The following PCDH15 variants were observed in gnomAD, a reference collection of about 807,000 sequenced individuals.
The protein encoded by PCDH15 is protocadherin-15.
PCDH15 carries 129 observed loss-of-function variants against 178.5 expected under a neutral mutation model. That is an observed-to-expected ratio of 0.72 (90% CI 0.63 to 0.84). PCDH15 has a LOEUF of 0.84. PCDH15 is among the 40% of genes least tolerant of loss of function. The pLI is 0.00. For missense variants in PCDH15, 2,230 were observed against 2,099.9 expected (o/e 1.06, Z -1.21); for synonymous variants, 800 against 732.0 (o/e 1.09, Z -1.50).
At chr10:54,051,424 T>C (rs1294407147) in intron 18 of PCDH15, among the ~76,000 whole-genome samples, 7 of 152,146 alleles carry the variant, frequency 4.6e-5, no homozygotes, top group Non-Finnish European at 1.0e-4. Flanking sequence ...TACAATGAAG[T>C]CCAGCTGATG....
intron 2 of PCDH15, among the ~76,000 whole-genome samples, chr10:55,591,375 C>A (rs1240667215): frequency 6.6e-6 from 1 of 152,000 alleles, no homozygotes; most frequent in Non-Finnish European, 1.5e-5. Context: ...ATGGAGGCTT[C>A]AGTGAGTGGA....
intron 15 of PCDH15, among the ~76,000 whole-genome samples, chr10:54,129,696 C>T (rs2042267754): frequency 6.6e-6 from 1 of 152,128 alleles, no homozygotes; most frequent in Admixed American, 6.5e-5. Flanking sequence ...AAACAGGGGA[C>T]TGGTTCCAGA....
At chr10:54,332,347 TA>T (rs1939951949) in intron 6 of PCDH15, among the ~76,000 whole-genome samples, 1 of 94,254 alleles carries the variant, frequency 1.1e-5, no homozygotes, top group African/African-American at 4.1e-5. Flanking sequence ...TTATTATATA[TA>T]ATATAATATA....
chr10:54,992,107 T>A (rs979571849), intron 2 of PCDH15, among the ~76,000 whole-genome samples: 11 of 152,240 alleles, frequency 7.2e-5, no homozygotes, highest in South Asian at 2.1e-4. Flanking sequence ...AAGAATTTTT[T>A]AAAAATCACT....
At chr10:54,695,445 G>C (rs937432495) in intron 1 of PCDH15, among the ~76,000 whole-genome samples, 4 of 152,160 alleles carry the variant, frequency 2.6e-5, no homozygotes, top group African/African-American at 9.6e-5. Flanking sequence ...TAACATAAAA[G>C]TGTAAGATGA....
chr10:54,712,778 T>C (rs1475436496), intron 1 of PCDH15, among the ~76,000 whole-genome samples: 1 of 152,028 alleles, frequency 6.6e-6, no homozygotes, highest in Non-Finnish European at 1.5e-5. Context: ...CAGTTTAAAC[T>C]GAAACACTAG....
chr10:54,825,377 G>A (rs1481570372), intron 3 of PCDH15, among the ~76,000 whole-genome samples: 7 of 146,674 alleles, frequency 4.8e-5, no homozygotes, highest in African/African-American at 1.8e-4. Context: ...ATAGTCCTTT[G>A]GGTATATACC....
At chr10:55,159,631 A>C (rs1407031834) in intron 2 of PCDH15, among the ~76,000 whole-genome samples, 1 of 147,964 alleles carries the variant, frequency 6.8e-6, no homozygotes, top group Non-Finnish European at 1.5e-5. Context: ...ATATATCTTA[A>C]AGAGATATAT....
chr10:54,362,757 G>C (rs558257984), intron 5 of PCDH15, among the ~76,000 whole-genome samples: 1 of 151,746 alleles, frequency 6.6e-6, no homozygotes, highest in Admixed American at 6.6e-5. Context: ...GACATGAAAA[G>C]TAGGGTAAAA....
intron 28 of PCDH15, among the ~76,000 whole-genome samples, chr10:53,840,782 T>A (rs530775036): frequency 3.9e-5 from 6 of 152,194 alleles, no homozygotes; most frequent in Non-Finnish European, 8.8e-5. Flanking sequence ...ACATGAGAAA[T>A]GCCAAATATG....
chr10:54,497,891 T>C (rs1047863675), intron 3 of PCDH15, among the ~76,000 whole-genome samples: 7 of 152,252 alleles, frequency 4.6e-5, no homozygotes, highest in Admixed American at 3.9e-4. Context: ...TTTGAGAATA[T>C]TGTCTATGAA....
At chr10:54,551,220 T>C (rs2086568007) in intron 2 of PCDH15, among the ~76,000 whole-genome samples, 1 of 144,752 alleles carries the variant, frequency 6.9e-6, no homozygotes, top group South Asian at 2.2e-4. Context: ...TATCACAGTG[T>C]AAAGGAAAAA....
intron 2 of PCDH15, among the ~76,000 whole-genome samples, chr10:54,982,361 A>G (rs1839257254): frequency 6.6e-6 from 1 of 152,156 alleles, no homozygotes; most frequent in Admixed American, 6.6e-5. Flanking sequence ...AGTAGCCTAG[A>G]CCCAAAACTA....
chr10:53,909,524 A>G (rs919394439), intron 25 of PCDH15, among the ~76,000 whole-genome samples: 1 of 152,324 alleles, frequency 6.6e-6, no homozygotes, highest in African/African-American at 2.4e-5. Flanking sequence ...AAATCAAATA[A>G]CAGACACCCC....
At chr10:55,457,334 A>C (rs1839575775) in intron 2 of PCDH15, among the ~76,000 whole-genome samples, 1 of 152,228 alleles carries the variant, frequency 6.6e-6, no homozygotes, top group East Asian at 1.9e-4. Flanking sequence ...TTTTGCATTA[A>C]TATGCAATTA....
At chr10:54,721,274 A>G (rs1013154439) in intron 1 of PCDH15, among the ~76,000 whole-genome samples, 7 of 151,964 alleles carry the variant, frequency 4.6e-5, no homozygotes, top group Middle Eastern at 3.2e-3. Context: ...AAATGTCTAC[A>G]TCAAAAAGAA....
intron 2 of PCDH15, among the ~76,000 whole-genome samples, chr10:54,590,347 G>T (rs977238735): frequency 8.5e-5 from 13 of 152,096 alleles, no homozygotes; most frequent in African/African-American, 2.7e-4. Flanking sequence ...ATCATCCCTT[G>T]CTGGCTGTCA....
At chr10:55,259,219 G>A (rs1356076659) in intron 1 of PCDH15, among the ~76,000 whole-genome samples, 1 of 152,116 alleles carries the variant, frequency 6.6e-6, no homozygotes, top group African/African-American at 2.4e-5. Flanking sequence ...CTTTGCTTCA[G>A]GAGGTCTAGT....
chr10:54,095,036 T>C (rs1291626838), intron 15 of PCDH15, among the ~76,000 whole-genome samples: 2 of 152,206 alleles, frequency 1.3e-5, no homozygotes, highest in African/African-American at 4.8e-5. Flanking sequence ...ATAGAGTGCA[T>C]TTTATGTGCA....
Sources: allele counts gnomAD v4.1 joint callset (sites outside exome capture counted in the v4.1 genomes callset), GRCh38; gene constraint gnomAD v4.1.1; transcripts MANE v1.5; gene names NCBI Gene and HGNC (gene_info 2026-07-23, HGNC 2026-07-21).